Variants in CPA3 observed in about 807,000 individuals in gnomAD.
CPA3 encodes the protein mast cell carboxypeptidase A.
CPA3 carries 52 observed loss-of-function variants against 55.8 expected under a neutral mutation model. The ratio of observed to expected loss-of-function variants is 0.93; its 90% CI spans 0.75 to 1.17. CPA3 has a LOEUF of 1.17. CPA3 is among the 50% of genes most tolerant of loss of function. CPA3 has a pLI of 0.00. For missense variants in CPA3, 547 were observed against 509.1 expected (o/e 1.07, Z -0.72); for synonymous variants, 179 against 171.2 (o/e 1.05, Z -0.36).
At chr3:148,865,443 ACT>A in intron 1 of CPA3, 28 bp from the exon 2 acceptor site, 1 of 1,588,730 alleles carries the variant, frequency 6.3e-7, no homozygotes, top group African/African-American at 1.4e-5. Flanking sequence ...CTTACAGTTC[ACT>A]TTTTTTTTTT....
At chr3:148,880,920 A>C (rs1714346540) in intron 6 of CPA3, among the ~76,000 whole-genome samples, 1 of 152,170 alleles carries the variant, frequency 6.6e-6, no homozygotes, top group Admixed American at 6.6e-5. Context: ...TCTACAAAAA[A>C]TCTTGTCTCC....
At chr3:148,892,553 C>T (rs6440574) in intron 10 of CPA3, among the ~76,000 whole-genome samples, 146,075 of 152,158 alleles carry the variant, frequency 0.96, 70,139 homozygotes, top group Middle Eastern at 0.97. Context: ...CTCAAGAGGC[C>T]GAGGCAGGAG....
At chr3:148,868,654 C>A (rs1222768317) in intron 2 of CPA3, among the ~76,000 whole-genome samples, 9 of 151,658 alleles carry the variant, frequency 5.9e-5, no homozygotes, top group Admixed American at 2.0e-4. Context: ...TCTGCCCATC[C>A]TTTTTAACTT....
chr3:148,888,874 C>A (rs1343194254), intron 10 of CPA3, among the ~76,000 whole-genome samples: 2 of 152,134 alleles, frequency 1.3e-5, no homozygotes, highest in Non-Finnish European at 2.9e-5. Flanking sequence ...CACTTTGGAG[C>A]TTTCAGAGAT....
chr3:148,883,634 C>G lies in CPA3; in HGVS notation c.800C>G (p.Pro267Arg). 1 of 1,613,952 alleles carries G rather than the reference C, an allele frequency of 6.2e-7. No homozygotes were observed. The highest frequency in any genetic ancestry group is 8.5e-7 in the Non-Finnish European group (1 of 1,179,952). The change falls in exon 9 of 11, where the codon CCA (proline) becomes CGA (arginine). Residue 267 changes from proline (P) to arginine (R), a missense_variant. Coordinates refer to ENST00000296046, the MANE Select transcript of CPA3 (RefSeq NM_001870.4). Reference protein sequence around the residue: ...SWNSIPNTNDPCADNYRGSAP... With the variant: ...SWNSIPNTNDRCADNYRGSAP... Reference sequence around the variant, plus strand: ...GCAGCCATTCCTAACACCAATGACCCATGTGCAGATAACTATCGGGGCTCT... The same window carrying G: ...GCAGCCATTCCTAACACCAATGACCGATGTGCAGATAACTATCGGGGCTCT...
intron 3 of CPA3, among the ~76,000 whole-genome samples, chr3:148,876,291 A>G (rs922827694): frequency 1.3e-5 from 2 of 151,804 alleles, no homozygotes; most frequent in African/African-American, 4.8e-5. Flanking sequence ...CATTATTAAT[A>G]AAATTCTTAT....
chr3:148,886,305 A>T lies in CPA3; in HGVS notation c.1066+128A>T, dbSNP rs915847723. ...TGCTAATTTAAATTCTACTTTTTAC[A>T]GGATATTCTGAATTATACGTGAATC... On this transcript the variant is annotated intron_variant, in intron 10 of 10. Transcript: ENST00000296046. 26 of 644,366 alleles carry T rather than the reference A, an allele frequency of 4.0e-5. No individual in the cohort carries two copies. The East Asian group carries it at 7.2e-4, about 18-fold the overall frequency. The allele number at this position is 644,366 out of a possible 1,614,324, so 39.9% of individuals were successfully genotyped here.
intron 2 of CPA3, among the ~76,000 whole-genome samples, chr3:148,866,150 C>G (rs950835792): frequency 5.9e-5 from 9 of 152,188 alleles, no homozygotes; most frequent in African/African-American, 2.2e-4. Context: ...TAATGTAACT[C>G]ATTTGAAACA....
chr3:148,875,224 C>T (rs1714173972), intron 3 of CPA3, among the ~76,000 whole-genome samples: 1 of 152,104 alleles, frequency 6.6e-6, no homozygotes, highest in African/African-American at 2.4e-5. Context: ...GCACCCAGGA[C>T]TCACTGCTAA....
chr3:148,881,595 T>C lies in CPA3; in HGVS notation c.650T>C (p.Val217Ala), dbSNP rs759001048. 2 of 1,612,790 alleles carry C rather than the reference T, an allele frequency of 1.2e-6. No individual in the cohort carries two copies. Among genetic ancestry groups the C allele is most frequent in the Non-Finnish European group, 1.7e-6 (2 of 1,179,186 alleles). ...LDRMNFYILPVFNVDGYIWSW... is the reference protein window; with the variant it reads ...LDRMNFYILPAFNVDGYIWSW... ...CGAATGAATTTTTACATTCTTCCTG[T>C]GTTCAATGTTGATGGATATATTTGG... Residue 217 changes from valine to alanine, a missense_variant, in exon 7 of 11, where the codon GTG becomes GCG. Val to Ala is a moderately conservative substitution (Grantham distance 64). Coordinates refer to ENST00000296046, the MANE Select transcript of CPA3 (RefSeq NM_001870.4).
At chr3:148,868,274 G>GAA (rs3841927) in intron 2 of CPA3, among the ~76,000 whole-genome samples, 13 of 151,232 alleles carry the variant, frequency 8.6e-5, no homozygotes, top group African/African-American at 2.2e-4. Context: ...GAAGAGAAAG[G>GAA]AAAAAAAAAT....
intron 10 of CPA3, among the ~76,000 whole-genome samples, chr3:148,888,075 G>T (rs1251093002): frequency 1.3e-5 from 2 of 152,230 alleles, no homozygotes; most frequent in African/African-American, 2.4e-5. Context: ...TACACTTTTA[G>T]AATCTGTGCA....
intron 2 of CPA3, among the ~76,000 whole-genome samples, chr3:148,866,933 T>C (rs1713915902): frequency 6.6e-6 from 1 of 152,082 alleles, no homozygotes; most frequent in South Asian, 2.1e-4. Context: ...ATTTTTGTGT[T>C]TTTAGTGAAG....
intron 7 of CPA3, 146 bp downstream of exon 7, chr3:148,881,778 T>G: frequency 2.1e-6 from 1 of 471,564 alleles, no homozygotes; most frequent in Non-Finnish European, 3.6e-6. Context: ...TCAAATTAAG[T>G]ATGATTTCTT....
At position 148,895,739 on chromosome 3, in the gene CPA3, A is replaced by G. The variant is rs78022538; in HGVS notation, c.1067-781A>G. On this transcript the variant is annotated intron_variant, in intron 10 of 10. Coordinates refer to ENST00000296046, the MANE Select transcript of CPA3 (RefSeq NM_001870.4). ...TGAATTCTTATCTTTCAAATTTTTC[A>G]GATCTTTCAAACTGTTATTATTAGT... is the stretch of plus-strand genomic sequence containing the variant. 9.1e-3 allele frequency among the ~76,000 whole-genome samples: 1,382 copies of G among 152,314 alleles called. 26 individuals carry two copies. Among genetic ancestry groups the G allele is most frequent in the African/African-American group, 0.032 (1,332 of 41,564 alleles).
At chr3:148,892,673 C>A (rs1371605780) in intron 10 of CPA3, among the ~76,000 whole-genome samples, 1 of 151,036 alleles carries the variant, frequency 6.6e-6, no homozygotes, top group African/African-American at 2.4e-5. Flanking sequence ...ACAACAACAA[C>A]AACAAAAAAC....
rs369519122 is a variant in CPA3, at chr3:148,885,699, C to T, written c.982-394C>T. 2.6e-5 allele frequency among the ~76,000 whole-genome samples: 4 copies of T among 152,188 alleles called. No homozygotes were observed. The East Asian group carries it at 5.8e-4, about 22-fold the overall frequency. On this transcript the variant is annotated intron_variant, in intron 9 of 10. Coordinates refer to ENST00000296046, the MANE Select transcript of CPA3 (RefSeq NM_001870.4). Reference sequence around the variant, plus strand: ...TGCTGGGATTACAGGCGTGAGCCACCGTGCCCGGCCAAGTCTTTATACTTA... The same window carrying T: ...TGCTGGGATTACAGGCGTGAGCCACTGTGCCCGGCCAAGTCTTTATACTTA...
At chr3:148,887,160 T>C (rs1273789645) in intron 10 of CPA3, among the ~76,000 whole-genome samples, 1 of 152,190 alleles carries the variant, frequency 6.6e-6, no homozygotes, top group African/African-American at 2.4e-5. Flanking sequence ...AGCTTTGGCT[T>C]TGTGGAGGTA....
chr3:148,868,952 C>T lies in CPA3; in HGVS notation c.182C>T (p.Ala61Val), dbSNP rs777037736. 1.3e-5 allele frequency: 21 copies of T among 1,614,038 alleles called. No individual in the cohort carries two copies. Among genetic ancestry groups the T allele is most frequent in the Admixed American group, 1.0e-4 (6 of 60,010 alleles). Residue 61 changes from alanine to valine, a missense_variant, in exon 3 of 11, where the codon GCT (alanine) becomes GTT (valine). Transcript: ENST00000296046. ...FWYPGATHHV[A>V]ANMMVDFRVS... is the part of the protein sequence containing the mutation. The stretch of plus-strand genomic sequence containing the variant: ...TATCCAGGTGCCACCCACCACGTAG[C>T]TGCTAATATGATGGTGGATTTCCGA...
Sources: allele counts gnomAD v4.1 joint callset (sites outside exome capture counted in the v4.1 genomes callset), GRCh38; gene constraint gnomAD v4.1.1; transcripts MANE v1.5; gene names NCBI Gene and HGNC (gene_info 2026-07-23, HGNC 2026-07-21).